The following SRPK1 variants were observed in gnomAD, a reference collection of about 807,000 sequenced individuals.
SRPK1 encodes the protein SFRS protein kinase 1.
SRPK1 carries 52 observed loss-of-function variants against 89.5 expected under a neutral mutation model. That is an observed-to-expected ratio of 0.58 (90% CI 0.46 to 0.73). The LOEUF is 0.73. Among genes scored for constraint, SRPK1 ranks in the 30% least tolerant of loss-of-function variants. The pLI, the probability that SRPK1 is intolerant of heterozygous loss-of-function variation, is 0.00. For missense variants in SRPK1, 603 were observed against 780.6 expected, an observed-to-expected ratio of 0.77 and a Z score of 2.71; for synonymous variants, 255 against 270.2, an observed-to-expected ratio of 0.94 and a Z score of 0.55.
intron 2 of SRPK1, among the ~76,000 whole-genome samples, chr6:35,903,698 G>T (rs1266729262): frequency 6.6e-6 from 1 of 152,144 alleles, no homozygotes; most frequent in Non-Finnish European, 1.5e-5. Flanking sequence ...ACAAGAATTG[G>T]TGACAATTGT....
At chr6:35,900,276 A>G (rs967583861) in intron 2 of SRPK1, among the ~76,000 whole-genome samples, 110 of 152,222 alleles carry the variant, frequency 7.2e-4, no homozygotes, top group African/African-American at 2.5e-3. Context: ...CCTACCTCAT[A>G]GGGCATTTGC....
rs752404523 is a variant in SRPK1 at position 35,888,895 on chromosome 6, A to T, written c.222T>A (p.Asp74Glu). Reference protein sequence around the residue: ...KGGYHLVKIGDLFNGRYHVIR... With the variant: ...KGGYHLVKIGELFNGRYHVIR... ...TCACATGGTATCTCCCATTGAATAG[A>T]TCTCCAATTTTCACAAGATGATAAC... Residue 74 changes from aspartate to glutamate, a missense_variant, in exon 4 of 16, where the codon GAT becomes GAA. Asp to Glu is a conservative substitution (Grantham distance 45). Coordinates refer to ENST00000373825, the MANE Select transcript of SRPK1 (RefSeq NM_003137.5). 1.2e-6 allele frequency: 2 copies of T among 1,613,046 alleles called. No individual in the cohort carries two copies. The highest frequency in any genetic ancestry group is 8.5e-7 in the Non-Finnish European group (1 of 1,179,144).
chr6:35,901,410 T>A (rs1433284108), intron 2 of SRPK1, among the ~76,000 whole-genome samples: 1 of 152,168 alleles, frequency 6.6e-6, no homozygotes, highest in East Asian at 1.9e-4. Flanking sequence ...AAGATGGCCA[T>A]CTACAAGGCA....
At chr6:35,866,778 T>C (rs566956023) in intron 12 of SRPK1, among the ~76,000 whole-genome samples, 1 of 152,128 alleles carries the variant, frequency 6.6e-6, no homozygotes, top group Non-Finnish European at 1.5e-5. Flanking sequence ...TCAACCCAAG[T>C]GTCTAGGAGT....
Position 35,835,144 on chromosome 6 carries a change from T to C in SRPK1, c.*160A>G. 1.5e-6 allele frequency: 1 copy of C among 685,220 alleles called. No homozygotes were observed. Among genetic ancestry groups the C allele is most frequent in the Middle Eastern group, 4.2e-4 (1 of 2,362 alleles). 42.4% of individuals were successfully genotyped at this position (685,220 alleles called of 1,614,324 possible). ...AATGGCTGTGGGGATCTCCACAGGGTCAAGTAAGCAAACCCAAATGAACAT... is the reference window on the plus strand; with the variant it reads ...AATGGCTGTGGGGATCTCCACAGGGCCAAGTAAGCAAACCCAAATGAACAT... On this transcript the variant is annotated 3_prime_UTR_variant, in exon 16 of 16. Coordinates refer to ENST00000373825, the MANE Select transcript of SRPK1 (RefSeq NM_003137.5).
chr6:35,866,324 G>A (rs772001404), intron 12 of SRPK1, among the ~76,000 whole-genome samples: 2 of 152,190 alleles, frequency 1.3e-5, no homozygotes, highest in Non-Finnish European at 2.9e-5. Flanking sequence ...GGTGGCTCAT[G>A]CCTCTAATCC....
intron 12 of SRPK1, among the ~76,000 whole-genome samples, chr6:35,859,587 T>TA (rs1023659137): frequency 6.6e-5 from 10 of 152,280 alleles, no homozygotes; most frequent in African/African-American, 2.2e-4. Flanking sequence ...CTTGTTTGGT[T>TA]AAAAAAATCT....
chr6:35,888,086 C>T lies in SRPK1; in HGVS notation c.328G>A (p.Val110Ile). ...IQGKKFVAMKVVKSAEHYTET... is the reference protein window; with the variant it reads ...IQGKKFVAMKIVKSAEHYTET... ...GTGTAATGTTCAGCACTTTTAACTA[C>T]TTTCATTGCCACAAATTTCTTCCCC... The change falls in exon 5 of 16, where the codon GTA (valine) becomes ATA (isoleucine). Residue 110 changes from valine to isoleucine, a missense_variant. Coordinates refer to ENST00000373825, the MANE Select transcript of SRPK1 (RefSeq NM_003137.5). 1 of 1,606,472 alleles carries T rather than the reference C, an allele frequency of 6.2e-7. No individual in the cohort carries two copies. The highest frequency in any genetic ancestry group is 8.5e-7 in the Non-Finnish European group (1 of 1,177,908).
chr6:35,859,531 C>A (rs1056831943), intron 12 of SRPK1, among the ~76,000 whole-genome samples: 5 of 152,078 alleles, frequency 3.3e-5, no homozygotes, highest in Admixed American at 6.6e-5. Context: ...AAAAGCCAGC[C>A]CTTCATATAT....
chr6:35,907,232 A>G (rs919821895), intron 2 of SRPK1, among the ~76,000 whole-genome samples: 1 of 152,212 alleles, frequency 6.6e-6, no homozygotes, highest in Non-Finnish European at 1.5e-5. Flanking sequence ...AAGGCAATGG[A>G]AAGACTTTGT....
chr6:35,887,155 T>C (rs1051303518), intron 5 of SRPK1, among the ~76,000 whole-genome samples: 1 of 152,206 alleles, frequency 6.6e-6, no homozygotes, highest in Non-Finnish European at 1.5e-5. Context: ...ACTGTTTTTT[T>C]CAGCGGACAT....
At chr6:35,854,338 C>T (rs1242741232) in intron 13 of SRPK1, among the ~76,000 whole-genome samples, 1 of 152,190 alleles carries the variant, frequency 6.6e-6, no homozygotes, top group Non-Finnish European at 1.5e-5. Context: ...CTCATTACCT[C>T]TCAGAGAGGG....
Position 35,834,729 on chromosome 6 carries a change from A to G in SRPK1, c.*575T>C, listed in dbSNP as rs1438382599. On this transcript the variant is annotated 3_prime_UTR_variant, in exon 16 of 16. Transcript: ENST00000373825. ...TTTGAACAGTGATAAAATGGTACCC[A>G]AATTTGGTGTTCATATAGCTATTTA... 6.6e-6 allele frequency: 1 copy of G among 152,226 alleles called. No homozygotes were observed. The highest frequency in any genetic ancestry group is 2.4e-5 in the African/African-American group (1 of 41,464). 9.4% of individuals were successfully genotyped at this position (152,226 alleles called of 1,614,324 possible). A position where few individuals can be genotyped will look rare whatever the true frequency, so the allele number is the denominator to read the frequency against.
chr6:35,899,682 G>T (rs1770701829), intron 2 of SRPK1, among the ~76,000 whole-genome samples: 2 of 152,104 alleles, frequency 1.3e-5, no homozygotes, highest in South Asian at 4.1e-4. Context: ...CCATTAGAGT[G>T]GCCCTACAGA....
At chr6:35,849,252 TA>T (rs905464014) in intron 13 of SRPK1, among the ~76,000 whole-genome samples, 1 of 152,084 alleles carries the variant, frequency 6.6e-6, no homozygotes, top group South Asian at 2.1e-4. Context: ...TCAACATCAC[TA>T]ATCATTAGGG....
rs1269088191 is a variant in SRPK1, at chr6:35,915,710, C to T, written c.74+4758G>A. 4.6e-5 allele frequency among the ~76,000 whole-genome samples: 7 copies of T among 152,084 alleles called. No homozygotes were observed. The East Asian group carries it at 1.4e-3, about 29-fold the overall frequency. On this transcript the variant is annotated intron_variant, in intron 2 of 15. Coordinates refer to ENST00000373825, the MANE Select transcript of SRPK1 (RefSeq NM_003137.5). ...TATACAGGCCAGGTGCGGTGGCTCACGCCTGTAAGCCTAGCACTTTGGGAG... is the reference window on the plus strand; with the variant it reads ...TATACAGGCCAGGTGCGGTGGCTCATGCCTGTAAGCCTAGCACTTTGGGAG...
At chr6:35,883,167 C>A (rs1048037672) in intron 6 of SRPK1, among the ~76,000 whole-genome samples, 2 of 152,072 alleles carry the variant, frequency 1.3e-5, no homozygotes, top group Non-Finnish European at 2.9e-5. Flanking sequence ...GCCTTCAATC[C>A]CAGCACTTTG....
At chr6:35,904,351 C>T (rs531500307) in intron 2 of SRPK1, among the ~76,000 whole-genome samples, 1 of 152,100 alleles carries the variant, frequency 6.6e-6, no homozygotes, top group South Asian at 2.1e-4. Context: ...TGGGGCTCTT[C>T]CACAACTGTG....
At chr6:35,917,960 T>C (rs1425657484) in intron 2 of SRPK1, among the ~76,000 whole-genome samples, 4 of 152,284 alleles carry the variant, frequency 2.6e-5, no homozygotes, top group Admixed American at 2.6e-4. Flanking sequence ...GACCAAACTC[T>C]ATGGCATGCT....
Sources: allele counts gnomAD v4.1 joint callset (sites outside exome capture counted in the v4.1 genomes callset), GRCh38; gene constraint gnomAD v4.1.1; transcripts MANE v1.5; gene names NCBI Gene and HGNC (gene_info 2026-07-23, HGNC 2026-07-21).